RPS6KA2: variants seen among roughly 807,000 people sequenced by gnomAD.
RPS6KA2 encodes ribosomal protein S6 kinase alpha-2.
RPS6KA2 carries 42 observed loss-of-function variants against 91.8 expected under a neutral mutation model. The observed-to-expected ratio is 0.46, with a 90% CI of 0.36 to 0.59. RPS6KA2 has a LOEUF of 0.59. Ranked by LOEUF, RPS6KA2 falls within the 20% of genes least tolerant of loss-of-function variation. The pLI, the probability that RPS6KA2 is intolerant of heterozygous loss-of-function variation, is 0.00. For synonymous variants in RPS6KA2, 414 were observed against 393.6 expected, an observed-to-expected ratio of 1.05 and a Z score of -0.61; for missense variants, 798 against 978.5, an observed-to-expected ratio of 0.82 and a Z score of 2.46.
chr6:166,491,311 C>G (rs1781579410), intron 8 of RPS6KA2, among the ~76,000 whole-genome samples: 1 of 152,174 alleles, frequency 6.6e-6, no homozygotes, highest in South Asian at 2.1e-4. Flanking sequence ...TTACTGGACA[C>G]CTGCCAGGAC....
Position 166,494,698 on chromosome 6 carries a change from C to T in RPS6KA2, c.747+3810G>A, listed in dbSNP as rs1251091061. ...AGACACGGAATTTTATTCAGGGACA[C>T]TGACTTCCTGCCCCTGGCACAGGCA... On this transcript the variant is annotated intron_variant, in intron 8 of 20. Coordinates refer to ENST00000265678, the MANE Select transcript of RPS6KA2 (RefSeq NM_021135.6). This position sits in a 1 kb window ranked among gnomAD's most constrained non-coding sequence, Gnocchi z 5.1. 6.6e-6 allele frequency among the ~76,000 whole-genome samples: 1 copy of T among 152,208 alleles called. No homozygotes were observed. The highest frequency in any genetic ancestry group is 1.9e-4 in the East Asian group (1 of 5,198).
chr6:166,469,416 T>C (rs1780671203), intron 11 of RPS6KA2, among the ~76,000 whole-genome samples: 1 of 148,422 alleles, frequency 6.7e-6, no homozygotes, highest in Admixed American at 6.8e-5. Flanking sequence ...GGCCTGCCCA[T>C]AGCCCTAGCA....
At chr6:166,813,698 G>A (rs920448275) in intron 2 of RPS6KA2, among the ~76,000 whole-genome samples, 1 of 152,144 alleles carries the variant, frequency 6.6e-6, no homozygotes, top group Non-Finnish European at 1.5e-5. Flanking sequence ...TGTGTCCACC[G>A]TCACGAGGCT....
chr6:166,725,116 T>C (rs1351823193), intron 2 of RPS6KA2, among the ~76,000 whole-genome samples: 2 of 152,224 alleles, frequency 1.3e-5, no homozygotes, highest in African/African-American at 4.8e-5. Flanking sequence ...AGTTTTATAT[T>C]CAAATAGACT....
At chr6:166,416,202 CCT>C (rs1778510904) in intron 19 of RPS6KA2, among the ~76,000 whole-genome samples, 2 of 764 alleles carry the variant, frequency 2.6e-3, no homozygotes, top group South Asian at 0.056. Context: ...CTCCATCAAC[CCT>C]ACCATCACCC....
chr6:166,627,286 C>G (rs1004148772), upstream of RPS6KA2: 1 of 941,904 alleles, frequency 1.1e-6, no homozygotes, highest in African/African-American at 1.8e-5. Context: ...CTACACCACG[C>G]CCACCACCAC....
chr6:166,454,990 C>T lies in RPS6KA2; in HGVS notation c.1076-3757G>A, dbSNP rs1012199045. On this transcript the variant is annotated intron_variant, in intron 12 of 20. Transcript: ENST00000265678. The stretch of plus-strand genomic sequence containing the variant: ...TATAATACGTAATTTTTCCTGAAAA[C>T]ACACATATGTACAAATTTAAACATT... Among the ~76,000 whole-genome samples the T allele has an allele frequency of 7.9e-5, 12 of 151,018 alleles. No individual in the cohort carries two copies. In the South Asian group the frequency reaches 2.5e-3, roughly 32 times the overall value.
At chr6:166,831,998 TGATA>T (rs1780196935) in intron 2 of RPS6KA2, among the ~76,000 whole-genome samples, 2 of 151,646 alleles carry the variant, frequency 1.3e-5, no homozygotes, top group Admixed American at 6.6e-5. Flanking sequence ...GATATATGGA[TGATA>T]GATACATATA....
At chr6:166,724,387 A>G (rs953479230) in intron 2 of RPS6KA2, among the ~76,000 whole-genome samples, 2 of 152,200 alleles carry the variant, frequency 1.3e-5, no homozygotes, top group South Asian at 4.1e-4. Context: ...AGGGCCCTTA[A>G]CATTTCTTTG....
At chr6:166,746,613 T>A (rs1791021304) in intron 2 of RPS6KA2, among the ~76,000 whole-genome samples, 1 of 152,220 alleles carries the variant, frequency 6.6e-6, no homozygotes, top group African/African-American at 2.4e-5. Flanking sequence ...CCCAGAAGGC[T>A]ACCCCTCACT....
At chr6:166,592,638 G>C (rs998858757) in intron 1 of RPS6KA2, among the ~76,000 whole-genome samples, 88 of 152,108 alleles carry the variant, frequency 5.8e-4, no homozygotes, top group Admixed American at 5.8e-3. Context: ...CAGAAGCACA[G>C]AAAGGGACGG....
At chr6:166,633,476 G>T (rs565643484) in intron 2 of RPS6KA2, among the ~76,000 whole-genome samples, 4 of 152,190 alleles carry the variant, frequency 2.6e-5, no homozygotes, top group African/African-American at 7.2e-5. Context: ...CAGCCAAACC[G>T]CTTTGAGGCT....
At chr6:166,663,973 G>A (rs1788242697) in intron 2 of RPS6KA2, among the ~76,000 whole-genome samples, 1 of 152,238 alleles carries the variant, frequency 6.6e-6, no homozygotes, top group Non-Finnish European at 1.5e-5. Flanking sequence ...TTTATTATCT[G>A]TAAAGCAGGG....
chr6:166,537,659 T>C (rs977643387), intron 2 of RPS6KA2, among the ~76,000 whole-genome samples: 8 of 152,364 alleles, frequency 5.3e-5, no homozygotes, highest in African/African-American at 1.7e-4. Flanking sequence ...CTATTCATTC[T>C]ACACTTAAAT....
At chr6:166,514,593 A>G (rs1782578872) in intron 3 of RPS6KA2, among the ~76,000 whole-genome samples, 1 of 152,190 alleles carries the variant, frequency 6.6e-6, no homozygotes, top group Non-Finnish European at 1.5e-5. Flanking sequence ...GGGCAGGGAC[A>G]TGGGGGCCTG....
chr6:166,550,628 A>AT lies in RPS6KA2; in HGVS notation c.100-11845dup, dbSNP rs111745309. ...GGGCAGTCAGGGAGGCAGTTCACAG[A>AT]TTTTTTCCTGGGAGGTGGGTGTCTC... On this transcript the variant is annotated intron_variant, in intron 1 of 20. Transcript: ENST00000265678. Among the ~76,000 whole-genome samples, 1,104 of 152,128 alleles carry AT rather than the reference A, an allele frequency of 7.3e-3. 19 individuals carry two copies. Among genetic ancestry groups the AT allele is most frequent in the African/African-American group, 0.026 (1,062 of 41,472 alleles).
In RPS6KA2 at chr6:166,554,409, A is replaced by G. The variant is rs1216538703; in HGVS notation, c.100-15625T>C. 6.6e-6 allele frequency among the ~76,000 whole-genome samples: 1 copy of G among 152,250 alleles called. No homozygotes were observed. The highest frequency in any genetic ancestry group is 1.5e-5 in the Non-Finnish European group (1 of 68,040). On this transcript the variant is annotated intron_variant, in intron 1 of 20. Transcript: ENST00000265678. The surrounding 1 kb of genome is among the most constrained non-coding windows in gnomAD (Gnocchi z 4.3). ...TAACCTGCCTCCTTTTGTTGTAAAC[A>G]TTGGATGCAAAGAAGAATTAACCAT...
At chr6:166,489,969 CCTCT>C (rs1444923385) in intron 9 of RPS6KA2, among the ~76,000 whole-genome samples, 1 of 152,132 alleles carries the variant, frequency 6.6e-6, no homozygotes, top group African/African-American at 2.4e-5. Flanking sequence ...GGGCTCCCAG[CCTCT>C]CTGTTTCCTG....
rs936064171 is a variant in RPS6KA2, at chr6:166,451,204, C to T, written c.1105G>A (p.Ala369Thr). Residue 369 changes from alanine to threonine, a missense_variant, in exon 13 of 21, where the codon GCT (alanine) becomes ACT (threonine). Coordinates refer to ENST00000265678, the MANE Select transcript of RPS6KA2 (RefSeq NM_021135.6). The part of the protein sequence containing the change: ...DSPGVPPSAN[A>T]HHLFRGFSFV... ...CTGAATCCTCTAAACAGGTGATGAG[C>T]GTTTGCACTCGGGGGGACGCCAGGA... The T allele has an allele frequency of 6.2e-6, 10 of 1,613,876 alleles. No homozygotes were observed. In the Admixed American group the frequency reaches 8.3e-5, roughly 13 times the overall value.
Sources: gnomAD v4.1 joint callset for allele counts (sites outside exome capture counted in the v4.1 genomes callset) on GRCh38, gnomAD v4.1.1 for gene constraint, Gnocchi (gnomAD v3.1) non-coding constraint, MANE v1.5 for transcripts, NCBI Gene and HGNC (gene_info 2026-07-23, HGNC 2026-07-21) for gene names.